ZSCAN4: variants seen among roughly 807,000 people sequenced by gnomAD.
The protein encoded by ZSCAN4 is zinc finger and SCAN domain-containing protein 4.
Under a neutral mutation model 18.3 loss-of-function variants are expected in ZSCAN4, and 18 were observed. That is an observed-to-expected ratio of 0.98 (90% CI 0.68 to 1.46). The LOEUF is 1.46. Among genes scored for constraint, ZSCAN4 ranks in the 40% most tolerant of loss-of-function variants. The pLI, the probability that ZSCAN4 is intolerant of heterozygous loss-of-function variation, is 0.00. For synonymous variants in ZSCAN4, 193 were observed against 180.3 expected (o/e 1.07, Z -0.57); for missense variants, 498 against 511.4 (o/e 0.97, Z 0.25).
At chr19:57,673,183 G>C (rs1413434257) in intron 2 of ZSCAN4, among the ~76,000 whole-genome samples, 1 of 151,938 alleles carries the variant, frequency 6.6e-6, no homozygotes, top group Admixed American at 6.6e-5. Flanking sequence ...CGAGTAGCTG[G>C]AATTACAGGT....
upstream of ZSCAN4, among the ~76,000 whole-genome samples, chr19:57,668,511 G>C (rs900929530): frequency 6.6e-6 from 1 of 152,116 alleles, no homozygotes; most frequent in Admixed American, 6.5e-5. Context: ...GTGATAGGGG[G>C]ACAATCTAAG....
the ZSCAN4 span, among the ~76,000 whole-genome samples, chr19:57,663,459 G>A: frequency 7.0e-6 from 1 of 142,744 alleles, no homozygotes. Flanking sequence ...GCCGAGGCGG[G>A]AGGATCACTT....
exon 5 of ZSCAN4, chr19:57,678,304 G>T: frequency 6.2e-7 from 1 of 1,614,110 alleles, no homozygotes; most frequent in Non-Finnish European, 8.5e-7. Context: ...GAAGAGGGAG[G>T]TGTTTCTTCT....
At chr19:57,665,494 C>CT (rs199829644), upstream of ZSCAN4, among the ~76,000 whole-genome samples, 25 of 150,108 alleles carry the variant, frequency 1.7e-4, no homozygotes, top group Non-Finnish European at 2.2e-4. Context: ...AATTTTAATA[C>CT]TTTTTTTTTT....
chr19:57,658,880 CAAA>C, the ZSCAN4 span, among the ~76,000 whole-genome samples: 1 of 149,888 alleles, frequency 6.7e-6, no homozygotes, highest in Admixed American at 6.7e-5. Flanking sequence ...AAATTGCTCT[CAAA>C]AATACTCTTC....
At chr19:57,655,925 C>T in the ZSCAN4 span, among the ~76,000 whole-genome samples, 2 of 152,010 alleles carry the variant, frequency 1.3e-5, no homozygotes, top group African/African-American at 2.4e-5. Flanking sequence ...TCCTAGAGTC[C>T]AATACTGTCG....
At chr19:57,656,256 G>A in the ZSCAN4 span, among the ~76,000 whole-genome samples, 1 of 152,086 alleles carries the variant, frequency 6.6e-6, no homozygotes, top group Non-Finnish European at 1.5e-5. Flanking sequence ...CTGGCAGGTG[G>A]CCCACAACAT....
At chr19:57,678,358 G>T (rs780034828) in exon 5 of ZSCAN4, 3 of 1,614,072 alleles carry the variant, frequency 1.9e-6, no homozygotes, top group South Asian at 2.2e-5. Flanking sequence ...GTCACTGCTA[G>T]ATCTCAGGAA....
At chr19:57,656,919 C>T in the ZSCAN4 span, among the ~76,000 whole-genome samples, 13 of 151,734 alleles carry the variant, frequency 8.6e-5, no homozygotes, top group Admixed American at 1.3e-4. Flanking sequence ...CCAGGGAGGT[C>T]GAAGCTTCAG....
chr19:57,677,126 G>C (rs1367888054), intron 3 of ZSCAN4, among the ~76,000 whole-genome samples: 1 of 152,164 alleles, frequency 6.6e-6, no homozygotes, highest in Admixed American at 6.5e-5. Flanking sequence ...CTTGACAAGA[G>C]CTTGTTCTTC....
At chr19:57,676,282 T>A (rs1186502737) in exon 3 of ZSCAN4, 1 of 1,614,048 alleles carries the variant, frequency 6.2e-7, no homozygotes, top group Non-Finnish European at 8.5e-7. Context: ...TCAAGAATGG[T>A]GCTCAATTCA....
chr19:57,679,098 A>T, exon 5 of ZSCAN4: 1 of 477,838 alleles, frequency 2.1e-6, no homozygotes, highest in Non-Finnish European at 3.3e-6. Flanking sequence ...GTGGTTGGGA[A>T]AGTGGAACAT....
At chr19:57,665,870 C>A (rs1040451452), upstream of ZSCAN4, among the ~76,000 whole-genome samples, 2 of 152,170 alleles carry the variant, frequency 1.3e-5, no homozygotes, top group Admixed American at 1.3e-4. Context: ...CGAGATCGTG[C>A]CACTGCACTC....
chr19:57,662,787 T>C, the ZSCAN4 span, among the ~76,000 whole-genome samples: 26,280 of 152,156 alleles, frequency 0.17, 2,351 homozygotes, highest in East Asian at 0.27. Flanking sequence ...CTTGAACTAC[T>C]GACCTCAAGT....
Position 57,678,034 on chromosome 19 carries a change from A to T in ZSCAN4, c.517A>T (p.Thr173Ser). ...AACCACAAGAGAAGCAAACATGGGGACACCCTCCCAGACTTCCCAAGATAC... is the reference window on the plus strand; with the variant it reads ...AACCACAAGAGAAGCAAACATGGGGTCACCCTCCCAGACTTCCCAAGATAC... The change falls in exon 4 of 5, where the codon ACA (threonine) becomes TCA (serine). Residue 173 changes from threonine to serine, a missense_variant. Physicochemically the swap from Thr to Ser is moderately conservative, Grantham distance 58 (BLOSUM62 1). Coordinates refer to ENST00000318203, the Ensembl canonical transcript of ZSCAN4. 5 of 1,594,182 alleles carry T rather than the reference A, an allele frequency of 3.1e-6. No individual in the cohort carries two copies. In the Admixed American group the frequency reaches 7.2e-5, roughly 23 times the overall value.
chr19:57,663,484 G>A, the ZSCAN4 span, among the ~76,000 whole-genome samples: 3 of 128,228 alleles, frequency 2.3e-5, no homozygotes, highest in African/African-American at 8.9e-5. Flanking sequence ...CTAGGAGTTC[G>A]AGGCCAGTCT....
At chr19:57,659,856 C>T in the ZSCAN4 span, among the ~76,000 whole-genome samples, 1 of 152,168 alleles carries the variant, frequency 6.6e-6, no homozygotes, top group Admixed American at 6.5e-5. Context: ...TCATTTTTTC[C>T]TACATAGGGT....
At chr19:57,660,206 T>C in the ZSCAN4 span, among the ~76,000 whole-genome samples, 1 of 152,178 alleles carries the variant, frequency 6.6e-6, no homozygotes, top group Non-Finnish European at 1.5e-5. Context: ...GTATTAATTG[T>C]TCTCTGTAAA....
At chr19:57,673,993 A>G (rs556174208) in intron 2 of ZSCAN4, among the ~76,000 whole-genome samples, 4 of 152,272 alleles carry the variant, frequency 2.6e-5, no homozygotes, top group African/African-American at 9.6e-5. Flanking sequence ...GTTTCAAGTG[A>G]TCTGCCCGCC....
Sources: allele counts gnomAD v4.1 joint callset (sites outside exome capture counted in the v4.1 genomes callset), GRCh38; gene constraint gnomAD v4.1.1; transcripts MANE v1.5; gene names NCBI Gene and HGNC (gene_info 2026-07-23, HGNC 2026-07-21).